GGA2: variants seen among roughly 807,000 people sequenced by gnomAD.
GGA2 encodes ADP-ribosylation factor-binding protein GGA2.
GGA2 carries 48 observed loss-of-function variants against 79.5 expected under a neutral mutation model. That is an observed-to-expected ratio of 0.60 (90% CI 0.48 to 0.77). GGA2 has a LOEUF of 0.77. GGA2 is among the 30% of genes least tolerant of loss of function. GGA2 has a pLI of 0.00. For synonymous variants in GGA2, 317 were observed against 302.0 expected, an observed-to-expected ratio of 1.05 and a Z score of -0.51; for missense variants, 770 against 774.0, an observed-to-expected ratio of 0.99 and a Z score of 0.06.
chr16:23,506,483 T>A (rs1192065314), intron 1 of GGA2, among the ~76,000 whole-genome samples: 1 of 152,100 alleles, frequency 6.6e-6, no homozygotes, highest in Non-Finnish European at 1.5e-5. Context: ...AGTGATCCCA[T>A]CCCACTCAAC....
intron 10 of GGA2, chr16:23,480,284 G>A (rs140664660): frequency 2.0e-5 from 6 of 303,724 alleles, no homozygotes; most frequent in East Asian, 7.0e-5. Flanking sequence ...GCCAGGGACC[G>A]CATTTCAACC....
chr16:23,483,229 G>A (rs1302394389), intron 8 of GGA2, among the ~76,000 whole-genome samples: 8 of 152,136 alleles, frequency 5.3e-5, no homozygotes, highest in Non-Finnish European at 8.8e-5. Context: ...TAATCTGACC[G>A]GGCAGGGTGG....
intron 3 of GGA2, chr16:23,493,737 T>G: frequency 2.6e-6 from 1 of 392,070 alleles, no homozygotes; most frequent in Admixed American, 4.0e-5. Flanking sequence ...GGAGACCCTT[T>G]GAGAGGAGAA....
Position 23,486,763 on chromosome 16 carries a change from G to A in GGA2, c.607C>T (p.His203Tyr). ...TTTGCAGCCTGAAGGTCCTCGGGGT[G>A]GTTGCTCTTTAGAAGCCTTGTCAGA... is the stretch of plus-strand genomic sequence containing the variant. ...KLLTRLLKSN[H>Y]PEDLQAANRL... The change falls in exon 7 of 17, where the codon CAC becomes TAC. Residue 203 changes from histidine to tyrosine, a missense_variant. Coordinates refer to ENST00000309859, the MANE Select transcript of GGA2 (RefSeq NM_015044.4). 2 of 1,611,848 alleles carry A rather than the reference G, an allele frequency of 1.2e-6. No homozygotes were observed. Among genetic ancestry groups the A allele is most frequent in the Non-Finnish European group, 1.7e-6 (2 of 1,177,938 alleles).
chr16:23,465,360 A>T lies in GGA2; in HGVS notation c.*2230T>A. ...CCACTGGACTTGCTGATTAGAAGGG[A>T]GTGATGCCATAAACCACAGCCACTT... On this transcript the variant is annotated 3_prime_UTR_variant, in exon 17 of 17. Coordinates refer to ENST00000309859, the MANE Select transcript of GGA2 (RefSeq NM_015044.4). 1.4e-6 allele frequency: 1 copy of T among 702,904 alleles called. No homozygotes were observed. The highest frequency in any genetic ancestry group is 2.6e-6 in the Non-Finnish European group (1 of 384,822). The allele number at this position is 702,904 out of a possible 1,614,324, so 43.5% of individuals were successfully genotyped here. A position where few individuals can be genotyped will look rare whatever the true frequency, so the allele number is the denominator to read the frequency against.
chr16:23,469,967 T>C, intron 15 of GGA2, 29 bp downstream of exon 15: 1 of 1,447,082 alleles, frequency 6.9e-7, no homozygotes, highest in South Asian at 1.6e-5. Context: ...CGACAGCCAT[T>C]ACTGAGAAAT....
intron 3 of GGA2, 154 bp downstream of exon 3, chr16:23,494,149 G>A (rs1394137081): frequency 1.6e-6 from 1 of 634,900 alleles, no homozygotes; most frequent in Admixed American, 2.7e-5. Flanking sequence ...GGGGACCCTG[G>A]CCCAGATCTC....
chr16:23,505,093 A>G (rs1302190618), intron 1 of GGA2, among the ~76,000 whole-genome samples: 1 of 152,196 alleles, frequency 6.6e-6, no homozygotes, highest in Admixed American at 6.5e-5. Flanking sequence ...ATCCTTCAGC[A>G]GTCCACGCTG....
chr16:23,495,840 T>A, intron 1 of GGA2, 62 bp from the exon 2 acceptor site: 1 of 1,033,710 alleles, frequency 9.7e-7, no homozygotes, highest in South Asian at 1.4e-5. Context: ...CCCCTCCCCA[T>A]ACACATGGTG....
chr16:23,470,160 G>C lies in GGA2; in HGVS notation c.1456C>G (p.Leu486Val), dbSNP rs766654195. 6.3e-7 allele frequency: 1 copy of C among 1,597,186 alleles called. No individual in the cohort carries two copies. The highest frequency in any genetic ancestry group is 1.3e-5 in the African/African-American group (1 of 74,380). Residue 486 changes from leucine (L) to valine (V), a missense_variant, in exon 15 of 17, where the codon CTG (leucine) becomes GTG (valine). Physicochemically the swap from Leu to Val is conservative, Grantham distance 32. Coordinates refer to ENST00000309859, the MANE Select transcript of GGA2 (RefSeq NM_015044.4). The part of the protein sequence containing the change: ...VPLESVKPSS[L>V]PPLIVYDRNG... ...CGGTCATACACAATGAGAGGCGGCA[G>C]GCTGCCTGGTATAAAGGGCACAAGC... is the stretch of plus-strand genomic sequence containing the variant.
At chr16:23,512,849 C>T (rs1405970095), upstream of GGA2, among the ~76,000 whole-genome samples, 4 of 151,624 alleles carry the variant, frequency 2.6e-5, no homozygotes, top group Admixed American at 6.6e-5. Flanking sequence ...GGAATACAGG[C>T]GCCCACCACC....
intron 8 of GGA2, among the ~76,000 whole-genome samples, chr16:23,484,762 G>A (rs565245922): frequency 6.6e-6 from 1 of 152,308 alleles, no homozygotes; most frequent in East Asian, 1.9e-4. Context: ...CATTGCTGCT[G>A]GGAATGTAAA....
intron 16 of GGA2, 33 bp from the exon 17 acceptor site, chr16:23,467,733 G>C: frequency 9.3e-7 from 1 of 1,078,662 alleles, no homozygotes; most frequent in Non-Finnish European, 1.4e-6. Context: ...TGTCAAATCA[G>C]TGGAGAGCAA....
At position 23,465,490 on chromosome 16, in the gene GGA2, G is replaced by A; in HGVS notation, c.*2100C>T. ...TCTCCTCAAAAGCAAGAATGTTCAG[G>A]TACACATGTGTGAGTTCACCTCCTA... On this transcript the variant is annotated 3_prime_UTR_variant, in exon 17 of 17. Transcript: ENST00000309859. 1.4e-6 allele frequency: 1 copy of A among 695,814 alleles called. No individual in the cohort carries two copies. The highest frequency in any genetic ancestry group is 2.6e-6 in the Non-Finnish European group (1 of 381,064). 43.1% of individuals were successfully genotyped at this position (695,814 alleles called of 1,614,324 possible).
chr16:23,509,665 G>C (rs761712549), intron 1 of GGA2, among the ~76,000 whole-genome samples: 1 of 151,088 alleles, frequency 6.6e-6, no homozygotes, highest in Non-Finnish European at 1.5e-5. Context: ...GAGACATGCA[G>C]AAGAATTCTG....
chr16:23,468,974 G>A lies in GGA2; in HGVS notation c.1643C>T (p.Pro548Leu), dbSNP rs754024013. 13 of 1,608,436 alleles carry A rather than the reference G, an allele frequency of 8.1e-6. No homozygotes were observed. Among genetic ancestry groups the A allele is most frequent in the Admixed American group, 1.7e-5 (1 of 59,968 alleles). The part of the protein sequence containing the change: ...VPKSMRVKLQ[P>L]ASSSKLPAFS... ...TGCAGGAAGCTTGGAGCTGGATGCCGGCTGCAGCTTCACTCTCATTGACTA... is the reference window on the plus strand; with the variant it reads ...TGCAGGAAGCTTGGAGCTGGATGCCAGCTGCAGCTTCACTCTCATTGACTA... Residue 548 changes from proline (P) to leucine (L), a missense_variant, in exon 16 of 17, where the codon CCG becomes CTG. Coordinates refer to ENST00000309859, the MANE Select transcript of GGA2 (RefSeq NM_015044.4).
intron 15 of GGA2, chr16:23,469,707 G>C (rs1964485917): frequency 4.6e-6 from 1 of 217,306 alleles, no homozygotes; most frequent in African/African-American, 2.3e-5. Context: ...CTGGAGCTGT[G>C]GGTAGCCACT....
intron 1 of GGA2, among the ~76,000 whole-genome samples, chr16:23,504,305 C>A (rs1445469401): frequency 6.6e-6 from 1 of 152,184 alleles, no homozygotes; most frequent in Non-Finnish European, 1.5e-5. Flanking sequence ...AGTTCCTTGA[C>A]AAAGTTAGGG....
At chr16:23,494,993 G>A (rs1393899881) in intron 2 of GGA2, among the ~76,000 whole-genome samples, 1 of 151,998 alleles carries the variant, frequency 6.6e-6, no homozygotes, top group Non-Finnish European at 1.5e-5. Context: ...GCTGAGGCAG[G>A]AGAACCACTT....
Sources: gnomAD v4.1 joint callset for allele counts (sites outside exome capture counted in the v4.1 genomes callset) on GRCh38, gnomAD v4.1.1 for gene constraint, MANE v1.5 for transcripts, NCBI Gene and HGNC (gene_info 2026-07-23, HGNC 2026-07-21) for gene names.